RBFOX1: variants seen among roughly 807,000 people sequenced by gnomAD.
RBFOX1 encodes RNA binding protein fox-1 homolog 1.
In RBFOX1, 8 loss-of-function variants were observed where a neutral mutation model predicts 57.7. That is an observed-to-expected ratio of 0.14 (90% CI 0.08 to 0.25). The LOEUF is 0.25. Among genes scored for constraint, RBFOX1 ranks in the 10% least tolerant of loss-of-function variants. RBFOX1 has a pLI of 1.00. For synonymous variants in RBFOX1, 326 were observed against 222.4 expected (o/e 1.47, Z -4.15); for missense variants, 611 against 548.5 (o/e 1.11, Z -1.14).
At chr16:6,538,661 C>G (rs1445912814) in intron 2 of RBFOX1, among the ~76,000 whole-genome samples, 1 of 152,184 alleles carries the variant, frequency 6.6e-6, no homozygotes, top group Non-Finnish European at 1.5e-5. Context: ...AATGGCACAC[C>G]TGCTGTAGAA....
intron 4 of RBFOX1, among the ~76,000 whole-genome samples, chr16:7,280,082 C>G (rs1434620953): frequency 2.6e-5 from 4 of 152,220 alleles, no homozygotes; most frequent in Admixed American, 6.5e-5. Flanking sequence ...ATTGTGCCTG[C>G]TATGGAAAGA....
intron 4 of RBFOX1, among the ~76,000 whole-genome samples, chr16:7,221,775 C>T (rs2092750276): frequency 6.6e-6 from 1 of 152,158 alleles, no homozygotes; most frequent in Non-Finnish European, 1.5e-5. Context: ...GTTATTCTAC[C>T]AGAATGGTCT....
At chr16:5,979,616 C>T (rs2060133108) in intron 4 of RBFOX1, among the ~76,000 whole-genome samples, 1 of 152,162 alleles carries the variant, frequency 6.6e-6, no homozygotes, top group Non-Finnish European at 1.5e-5. Flanking sequence ...CTAATCTCAG[C>T]ACTTTGGGAG....
At chr16:7,642,499 A>G (rs535054248) in intron 11 of RBFOX1, among the ~76,000 whole-genome samples, 6 of 152,278 alleles carry the variant, frequency 3.9e-5, no homozygotes, top group African/African-American at 1.4e-4. Context: ...GCGTCAGCCC[A>G]AGAGAACCTT....
intron 3 of RBFOX1, among the ~76,000 whole-genome samples, chr16:6,977,851 C>T (rs965670318): frequency 6.6e-6 from 1 of 150,420 alleles, no homozygotes; most frequent in Admixed American, 6.6e-5. Flanking sequence ...AAGCTGCTTC[C>T]CAATCTGGTC....
At chr16:5,989,843 A>AACAC (rs199624083) in intron 4 of RBFOX1, among the ~76,000 whole-genome samples, 852 of 20,736 alleles carry the variant, frequency 0.041, 10 homozygotes, top group Non-Finnish European at 0.046. Flanking sequence ...AACACCCCCT[A>AACAC]ACACACACAC....
chr16:7,446,040 AC>A (rs1423777947), intron 4 of RBFOX1, among the ~76,000 whole-genome samples: 1 of 152,136 alleles, frequency 6.6e-6, no homozygotes, highest in African/African-American at 2.4e-5. Flanking sequence ...TGGTCTTGCT[AC>A]AGCCGCTTTG....
chr16:6,788,191 C>T (rs2082285558), intron 3 of RBFOX1, among the ~76,000 whole-genome samples: 1 of 152,068 alleles, frequency 6.6e-6, no homozygotes, highest in Admixed American at 6.6e-5. Flanking sequence ...CAGTGCACTC[C>T]AGCCTGCAAC....
At chr16:6,670,625 C>T (rs1001692095) in intron 3 of RBFOX1, among the ~76,000 whole-genome samples, 2 of 152,192 alleles carry the variant, frequency 1.3e-5, no homozygotes, top group African/African-American at 2.4e-5. Flanking sequence ...ATATACCAAT[C>T]TCTATCTACT....
At chr16:7,088,627 G>T (rs1394837084) in intron 4 of RBFOX1, among the ~76,000 whole-genome samples, 1 of 151,620 alleles carries the variant, frequency 6.6e-6, no homozygotes, top group African/African-American at 2.4e-5. Flanking sequence ...AACTCTTGAA[G>T]CAAGAAAAAA....
At chr16:6,468,170 T>A (rs1347078890) in intron 2 of RBFOX1, among the ~76,000 whole-genome samples, 1 of 152,160 alleles carries the variant, frequency 6.6e-6, no homozygotes, top group South Asian at 2.1e-4. Context: ...ACCTCCAGTA[T>A]AATGGCAGGA....
chr16:7,499,139 T>C (rs1054562220), intron 4 of RBFOX1, among the ~76,000 whole-genome samples: 1 of 152,192 alleles, frequency 6.6e-6, no homozygotes, highest in African/African-American at 2.4e-5. Flanking sequence ...TCTGGAGGCC[T>C]GAAGTCTGAG....
At chr16:6,499,287 G>T (rs919510742) in intron 2 of RBFOX1, among the ~76,000 whole-genome samples, 1 of 151,964 alleles carries the variant, frequency 6.6e-6, no homozygotes, top group Non-Finnish European at 1.5e-5. Context: ...AAAGCATAAA[G>T]AAATTGCCTT....
intron 1 of RBFOX1, among the ~76,000 whole-genome samples, chr16:5,326,414 C>T (rs2064573704): frequency 6.6e-6 from 1 of 152,192 alleles, no homozygotes; most frequent in African/African-American, 2.4e-5. Context: ...GAGCCCCATC[C>T]ATACACTTGA....
At chr16:6,715,409 AT>A in intron 3 of RBFOX1, among the ~76,000 whole-genome samples, 1 of 152,088 alleles carries the variant, frequency 6.6e-6, no homozygotes, top group East Asian at 1.9e-4. Flanking sequence ...TAAATATGTG[AT>A]GCCATTTAAC....
chr16:7,647,139 C>T (rs1200153664), intron 11 of RBFOX1, among the ~76,000 whole-genome samples: 1 of 152,200 alleles, frequency 6.6e-6, no homozygotes. Context: ...GACAGAACTT[C>T]TTATTCCCAA....
At chr16:5,775,222 G>A (rs575502760) in intron 3 of RBFOX1, among the ~76,000 whole-genome samples, 2 of 152,140 alleles carry the variant, frequency 1.3e-5, no homozygotes, top group African/African-American at 2.4e-5. Flanking sequence ...ATCCCCAAAT[G>A]TATCTCCTTA....
chr16:6,949,479 G>T lies in RBFOX1; in HGVS notation c.-15-102578G>T, dbSNP rs568849072. On this transcript the variant is annotated intron_variant, in intron 3 of 15. Transcript: ENST00000550418. ...GATTTGTTTTCTTACCCTTCTGGAG[G>T]CTGGAAATCTAAAGCCAGAGCATTG... Among the ~76,000 whole-genome samples, 18 of 152,302 alleles carry T rather than the reference G, an allele frequency of 1.2e-4. 1 individual carries two copies. The highest frequency in any genetic ancestry group is 3.8e-4 in the African/African-American group (16 of 41,568).
At chr16:7,084,114 C>G (rs2059617348) in intron 4 of RBFOX1, among the ~76,000 whole-genome samples, 1 of 152,130 alleles carries the variant, frequency 6.6e-6, no homozygotes, top group Non-Finnish European at 1.5e-5. Flanking sequence ...ATGTGTGGGA[C>G]AGACCTGGTA....
Sources: allele counts gnomAD v4.1 joint callset (sites outside exome capture counted in the v4.1 genomes callset), GRCh38; gene constraint gnomAD v4.1.1; transcripts MANE v1.5; gene names NCBI Gene and HGNC (gene_info 2026-07-23, HGNC 2026-07-21).